The following PAPPA variants were observed in gnomAD, a reference collection of about 807,000 sequenced individuals.
PAPPA encodes the protein pappalysin-1.
PAPPA carries 60 observed loss-of-function variants against 164.0 expected under a neutral mutation model. The ratio of observed to expected loss-of-function variants is 0.37; its 90% CI spans 0.30 to 0.45. The LOEUF is 0.45. Ranked by LOEUF, PAPPA falls within the 20% of genes least tolerant of loss-of-function variation. The pLI, the probability that PAPPA is intolerant of heterozygous loss-of-function variation, is 1.00. For synonymous variants in PAPPA, 875 were observed against 814.1 expected (o/e 1.07, Z -1.27); for missense variants, 1,782 against 2,087.3 (o/e 0.85, Z 2.85).
At chr9:116,241,059 G>C (rs1346718003) in intron 7 of PAPPA, among the ~76,000 whole-genome samples, 1 of 152,148 alleles carries the variant, frequency 6.6e-6, no homozygotes, top group Non-Finnish European at 1.5e-5. Context: ...ATAAGGAAAG[G>C]AGATGTTTAT....
At chr9:116,214,889 T>C (rs975038452) in intron 4 of PAPPA, among the ~76,000 whole-genome samples, 2 of 152,174 alleles carry the variant, frequency 1.3e-5, no homozygotes, top group Non-Finnish European at 2.9e-5. Context: ...AAGGAATATA[T>C]CCAAAGCAAA....
Position 116,344,721 on chromosome 9 carries a change from G to C in PAPPA, c.3780+10G>C. 3.7e-6 allele frequency: 6 copies of C among 1,609,442 alleles called. No homozygotes were observed. Among genetic ancestry groups the C allele is most frequent in the Non-Finnish European group, 4.3e-6 (5 of 1,176,416 alleles). On this transcript the variant is annotated intron_variant, in intron 14 of 21. Transcript: ENST00000328252. ...GCTGATCAAGAGCCAGGTATGTGCA[G>C]GTGCTGAGCTCAGAGCCTCTCTGCA...
At chr9:116,257,833 C>T (rs112045260) in intron 7 of PAPPA, among the ~76,000 whole-genome samples, 1,990 of 151,982 alleles carry the variant, frequency 0.013, 52 homozygotes, top group African/African-American at 0.046. Context: ...TCTATGAGGA[C>T]TTCTAAATAT....
At chr9:116,156,588 A>T (rs1422947139) in intron 1 of PAPPA, among the ~76,000 whole-genome samples, 1 of 152,010 alleles carries the variant, frequency 6.6e-6, no homozygotes, top group African/African-American at 2.4e-5. Context: ...GAAAAAAATA[A>T]AATAAATAAA....
At chr9:116,314,222 C>T (rs1056600077) in intron 10 of PAPPA, among the ~76,000 whole-genome samples, 1 of 151,666 alleles carries the variant, frequency 6.6e-6, no homozygotes, top group Non-Finnish European at 1.5e-5. Flanking sequence ...AGGCACACAC[C>T]ACCACATCCA....
intron 1 of PAPPA, among the ~76,000 whole-genome samples, chr9:116,186,206 ATGTGTGTGTGTG>A (rs3037575): frequency 2.1e-5 from 3 of 145,176 alleles, no homozygotes; most frequent in African/African-American, 7.7e-5. Flanking sequence ...CACTCATTAT[ATGTGTGTGTGTG>A]TGTGTGTGTG....
intron 7 of PAPPA, among the ~76,000 whole-genome samples, chr9:116,237,890 T>G (rs574675472): frequency 1.3e-5 from 2 of 152,056 alleles, no homozygotes; most frequent in Non-Finnish European, 2.9e-5. Context: ...GGGCTAATTT[T>G]TGTGTTTTTA....
intron 2 of PAPPA, among the ~76,000 whole-genome samples, chr9:116,205,309 AT>A (rs1188133624): frequency 6.6e-6 from 1 of 152,118 alleles, no homozygotes; most frequent in Non-Finnish European, 1.5e-5. Context: ...TAAACAACCA[AT>A]TAAAATGTCT....
At chr9:116,357,384 C>A (rs563647384) in intron 17 of PAPPA, among the ~76,000 whole-genome samples, 2 of 152,326 alleles carry the variant, frequency 1.3e-5, no homozygotes, top group African/African-American at 4.8e-5. Flanking sequence ...ATAATAACAG[C>A]TTTCTTTGTC....
In PAPPA at chr9:116,188,172, C is replaced by G; in HGVS notation, c.1434C>G (p.Ile478Met). Residue 478 changes from isoleucine to methionine, a missense_variant, in exon 2 of 22, where the codon ATC becomes ATG. Around this residue, in one of 2 missense-constraint regions of PAPPA, gnomAD observed 1,324 missense variants for 1,656.9 expected, o/e 0.80. Coordinates refer to ENST00000328252, the MANE Select transcript of PAPPA (RefSeq NM_002581.5). ...GTGGAGAGTGCTGTGACCCTGAAAT[C>G]ACCAATGTCACTCAGACTTGCTTTG... is the stretch of plus-strand genomic sequence containing the variant. The part of the protein sequence containing the change: ...FDGGECCDPE[I>M]TNVTQTCFDP... 1.2e-6 allele frequency: 2 copies of G among 1,613,772 alleles called. No individual in the cohort carries two copies. Among genetic ancestry groups the G allele is most frequent in the Non-Finnish European group, 1.7e-6 (2 of 1,179,732 alleles).
At chr9:116,364,521 A>G (rs1336191747) in intron 18 of PAPPA, among the ~76,000 whole-genome samples, 1 of 152,174 alleles carries the variant, frequency 6.6e-6, no homozygotes, top group Non-Finnish European at 1.5e-5. Context: ...TCACAAACAC[A>G]TACACACACA....
intron 7 of PAPPA, among the ~76,000 whole-genome samples, chr9:116,250,597 G>A (rs926842127): frequency 6.6e-6 from 1 of 152,180 alleles, no homozygotes; most frequent in Non-Finnish European, 1.5e-5. Context: ...TGTATACGAA[G>A]TCAGTCTCCA....
chr9:116,247,700 G>A (rs912768013), intron 7 of PAPPA, among the ~76,000 whole-genome samples: 4 of 152,088 alleles, frequency 2.6e-5, no homozygotes, highest in Non-Finnish European at 4.4e-5. Flanking sequence ...ATTGGCAAGA[G>A]GAATGGACAA....
At chr9:116,228,078 A>G (rs1844537572) in intron 6 of PAPPA, among the ~76,000 whole-genome samples, 2 of 152,172 alleles carry the variant, frequency 1.3e-5, no homozygotes. Context: ...GTGCCTTATG[A>G]TTGCCACTAT....
intron 10 of PAPPA, 49 bp from the exon 11 acceptor site, chr9:116,331,195 C>A: frequency 1.7e-6 from 2 of 1,194,746 alleles, no homozygotes; most frequent in Non-Finnish European, 2.5e-6. Context: ...TTTAGTTGAA[C>A]TTCTGACACT....
chr9:116,242,807 T>C (rs1844751466), intron 7 of PAPPA, among the ~76,000 whole-genome samples: 1 of 152,234 alleles, frequency 6.6e-6, no homozygotes, highest in Non-Finnish European at 1.5e-5. Context: ...AGACCTGCTA[T>C]TTTGTATCAT....
intron 10 of PAPPA, among the ~76,000 whole-genome samples, chr9:116,324,189 A>T (rs1845894369): frequency 6.6e-6 from 1 of 152,184 alleles, no homozygotes; most frequent in Non-Finnish European, 1.5e-5. Context: ...TGAAGTTAAC[A>T]TCTATGGTTA....
Position 116,265,911 on chromosome 9 carries a change from T to C in PAPPA, c.2787T>C (p.Thr929=). ...ATTGGGTCATAACTATTTCAGGAAC[T>C]GAAGAGAGTGAGCCATCACCTGCTG... ...YQYWVITISG[T]EESEPSPAVT... The change falls in exon 8 of 22, where the codon ACT becomes ACC. Residue 929 remains threonine, a synonymous_variant. Coordinates refer to ENST00000328252, the MANE Select transcript of PAPPA (RefSeq NM_002581.5). 1 of 1,612,008 alleles carries C rather than the reference T, an allele frequency of 6.2e-7. No individual in the cohort carries two copies.
At chr9:116,267,350 C>T (rs1237790649) in intron 8 of PAPPA, among the ~76,000 whole-genome samples, 1 of 152,246 alleles carries the variant, frequency 6.6e-6, no homozygotes, top group Admixed American at 6.5e-5. Flanking sequence ...TATAAATACT[C>T]ATCCACATAG....
Sources: gnomAD v4.1 joint callset for allele counts (sites outside exome capture counted in the v4.1 genomes callset) on GRCh38, gnomAD v4.1.1 for gene constraint, gnomAD v4.1.1 regional missense constraint, MANE v1.5 for transcripts, NCBI Gene and HGNC (gene_info 2026-07-23, HGNC 2026-07-21) for gene names.